Variants in FHL5 observed in about 807,000 individuals in gnomAD.
The protein encoded by FHL5 is four and a half LIM domains protein 5.
FHL5 carries 33 observed loss-of-function variants against 32.0 expected under a neutral mutation model. The ratio of observed to expected loss-of-function variants is 1.03; its 90% confidence interval spans 0.78 to 1.38. FHL5 has a LOEUF of 1.38. Among genes scored for constraint, FHL5 ranks in the 40% most tolerant of loss-of-function variants. The pLI is 0.00. For missense variants in FHL5, 336 were observed against 343.9 expected, an observed-to-expected ratio of 0.98 and a Z score of 0.18; for synonymous variants, 114 against 113.6, an observed-to-expected ratio of 1.00 and a Z score of -0.02.
At chr6:96,565,390 A>G (rs369460659) in intron 1 of FHL5, among the ~76,000 whole-genome samples, 135 of 152,304 alleles carry the variant, frequency 8.9e-4, no homozygotes, top group East Asian at 1.5e-3. Context: ...TTGCCTCCCT[A>G]CCTTAAAGAT....
intron 1 of FHL5, among the ~76,000 whole-genome samples, chr6:96,591,594 AT>A (rs1314562146): frequency 2.6e-5 from 4 of 151,964 alleles, no homozygotes; most frequent in Non-Finnish European, 5.9e-5. Context: ...TTGGCTGCTA[AT>A]TTTTTTCAGC....
At chr6:96,584,447 GTGTGTGTGTGTGTT>G (rs1472432694) in intron 1 of FHL5, among the ~76,000 whole-genome samples, 2 of 147,944 alleles carry the variant, frequency 1.4e-5, no homozygotes, top group Non-Finnish European at 3.0e-5. Context: ...GTGTGTGTGT[GTGTGTGTGTGTGTT>G]TGTGTGTGTG....
chr6:96,594,273 ATGTATG>A (rs1770990501), intron 1 of FHL5, among the ~76,000 whole-genome samples: 2 of 109,964 alleles, frequency 1.8e-5, no homozygotes, highest in African/African-American at 7.0e-5. Context: ...ATATATATAT[ATGTATG>A]TATGTATTTA....
At chr6:96,563,984 A>T (rs757260945) in intron 1 of FHL5, among the ~76,000 whole-genome samples, 53 of 152,182 alleles carry the variant, frequency 3.5e-4, no homozygotes, top group Non-Finnish European at 6.2e-4. Context: ...CTACTTCTTG[A>T]AACAGAGGTA....
chr6:96,607,810 C>A (rs908191567), intron 4 of FHL5, among the ~76,000 whole-genome samples: 1 of 151,596 alleles, frequency 6.6e-6, no homozygotes, highest in Non-Finnish European at 1.5e-5. Flanking sequence ...TAGTGACACC[C>A]TGTCTGTATA....
chr6:96,611,160 G>A (rs2127975424), intron 5 of FHL5, among the ~76,000 whole-genome samples: 1 of 152,250 alleles, frequency 6.6e-6, no homozygotes, highest in East Asian at 1.9e-4. Flanking sequence ...ATAGGACCAA[G>A]CATCCTTTAG....
intron 1 of FHL5, among the ~76,000 whole-genome samples, chr6:96,575,573 G>T (rs917680953): frequency 2.0e-5 from 3 of 152,156 alleles, no homozygotes; most frequent in Non-Finnish European, 4.4e-5. Flanking sequence ...TTCCAATGGA[G>T]TAAGGGAAAC....
chr6:96,612,242 A>C (rs1304119158), intron 5 of FHL5, among the ~76,000 whole-genome samples: 2 of 152,158 alleles, frequency 1.3e-5, no homozygotes, highest in African/African-American at 4.8e-5. Flanking sequence ...ATCTCCACTG[A>C]TTTTAGTTAG....
At chr6:96,588,801 C>T (rs987345899) in intron 1 of FHL5, among the ~76,000 whole-genome samples, 2 of 151,880 alleles carry the variant, frequency 1.3e-5, no homozygotes, top group Non-Finnish European at 2.9e-5. Flanking sequence ...CTTTCAGTTA[C>T]TTGTGTGGCA....
At chr6:96,571,031 T>G (rs1301499509) in intron 1 of FHL5, among the ~76,000 whole-genome samples, 1 of 152,214 alleles carries the variant, frequency 6.6e-6, no homozygotes, top group Non-Finnish European at 1.5e-5. Context: ...AGAGTTATTA[T>G]ATTCCTTTGT....
At chr6:96,600,799 A>T (rs1771131507) in intron 1 of FHL5, among the ~76,000 whole-genome samples, 1 of 152,210 alleles carries the variant, frequency 6.6e-6, no homozygotes, top group Non-Finnish European at 1.5e-5. Context: ...CTTACCTCAA[A>T]TTACATTAAC....
intron 1 of FHL5, among the ~76,000 whole-genome samples, chr6:96,578,095 G>A (rs1483638568): frequency 1.3e-5 from 2 of 152,170 alleles, no homozygotes; most frequent in Admixed American, 1.3e-4. Flanking sequence ...AGAAGTGTAG[G>A]AAGTATAACA....
At chr6:96,593,426 G>T (rs1258165069) in intron 1 of FHL5, among the ~76,000 whole-genome samples, 1 of 152,114 alleles carries the variant, frequency 6.6e-6, no homozygotes, top group African/African-American at 2.4e-5. Context: ...CAGACAGGAT[G>T]TGTATTTATT....
intron 1 of FHL5, among the ~76,000 whole-genome samples, chr6:96,590,399 GA>G (rs1464187376): frequency 6.6e-6 from 1 of 151,818 alleles, no homozygotes; most frequent in Non-Finnish European, 1.5e-5. Flanking sequence ...TATCATAAAT[GA>G]TTTTTTTTCA....
intron 1 of FHL5, among the ~76,000 whole-genome samples, chr6:96,571,408 T>C (rs1158162199): frequency 1.3e-5 from 2 of 152,160 alleles, no homozygotes; most frequent in Non-Finnish European, 2.9e-5. Context: ...TAAGGAGACT[T>C]AGCTGAGCGC....
At position 96,615,838 on chromosome 6, in the gene FHL5, C is replaced by A; in HGVS notation, c.*66C>A. ...TGTCACTAAAGCCAGAACTCAGTTGCGGTCTTATTTTTGACTTAAGTTTTA... is the reference window on the plus strand; with the variant it reads ...TGTCACTAAAGCCAGAACTCAGTTGAGGTCTTATTTTTGACTTAAGTTTTA... On this transcript the variant is annotated 3_prime_UTR_variant, in exon 6 of 6. Coordinates refer to ENST00000450218, the MANE Select transcript of FHL5 (RefSeq NM_001322466.2). 1 of 1,334,966 alleles carries A rather than the reference C, an allele frequency of 7.5e-7. No homozygotes were observed. Among genetic ancestry groups the A allele is most frequent in the South Asian group, 1.6e-5 (1 of 63,320 alleles). 82.7% of individuals were successfully genotyped at this position (1,334,966 alleles called of 1,614,324 possible). A position where few individuals can be genotyped will look rare whatever the true frequency, so the allele number is the denominator to read the frequency against.
Position 96,615,902 on chromosome 6 carries a change from A to G in FHL5, c.*130A>G. 1.4e-6 allele frequency: 1 copy of G among 698,164 alleles called. No homozygotes were observed. Among genetic ancestry groups the G allele is most frequent in the East Asian group, 2.9e-5 (1 of 33,942 alleles). The allele number at this position is 698,164 out of a possible 1,614,324, so 43.2% of individuals were successfully genotyped here. A position where few individuals can be genotyped will look rare whatever the true frequency, so the allele number is the denominator to read the frequency against. ...TAGTTTAGAGTGGAAAAGTTTTTGC[A>G]CACATTTTGATCGAACTATATTCTA... On this transcript the variant is annotated 3_prime_UTR_variant, in exon 6 of 6. Coordinates refer to ENST00000450218, the MANE Select transcript of FHL5 (RefSeq NM_001322466.2).
intron 1 of FHL5, among the ~76,000 whole-genome samples, chr6:96,564,486 G>T (rs780324540): frequency 2.6e-5 from 4 of 152,122 alleles, no homozygotes; most frequent in Non-Finnish European, 5.9e-5. Context: ...AAGAGTAGTA[G>T]ATTTGTGTTT....
At chr6:96,582,446 T>C (rs983209185) in intron 1 of FHL5, among the ~76,000 whole-genome samples, 1 of 152,190 alleles carries the variant, frequency 6.6e-6, no homozygotes, top group Non-Finnish European at 1.5e-5. Flanking sequence ...TTATATGCTA[T>C]TATATACTGT....
Sources: allele counts gnomAD v4.1 joint callset (sites outside exome capture counted in the v4.1 genomes callset), GRCh38; gene constraint gnomAD v4.1.1; transcripts MANE v1.5; gene names NCBI Gene and HGNC (gene_info 2026-07-23, HGNC 2026-07-21).